Variants in PDCD1LG2 observed in about 807,000 individuals in gnomAD.
PDCD1LG2 encodes the protein programmed cell death 1 ligand 2, also known as B7 dendritic cell molecule.
In PDCD1LG2, 32 loss-of-function variants were observed where a neutral mutation model predicts 28.2. That is an observed-to-expected ratio of 1.13 (90% CI 0.86 to 1.52). The LOEUF (loss-of-function observed/expected upper bound fraction) is 1.52. Ranked by LOEUF, PDCD1LG2 falls within the 40% of genes most tolerant of loss-of-function variation. The pLI is 0.00. For synonymous variants in PDCD1LG2, 116 were observed against 120.2 expected, an observed-to-expected ratio of 0.97 and a Z score of 0.23; for missense variants, 385 against 323.8, an observed-to-expected ratio of 1.19 and a Z score of -1.45.
At chr9:5,552,607 G>A (rs933779331) in intron 4 of PDCD1LG2, among the ~76,000 whole-genome samples, 1 of 152,078 alleles carries the variant, frequency 6.6e-6, no homozygotes, top group African/African-American at 2.4e-5. Flanking sequence ...GGCAGACATG[G>A]TATGAGTTGA....
rs148023085 is a variant in PDCD1LG2, at chr9:5,562,000, C to A, written c.767-1162C>A. ...AACCCTCATGAAAGAGACTACAGTG[C>A]TGAATAGAGACCTCCAAATTCCAGG... On this transcript the variant is annotated intron_variant, in intron 5 of 6. Transcript: ENST00000397747. Among the ~76,000 whole-genome samples, 210 of 152,286 alleles carry A rather than the reference C, an allele frequency of 1.4e-3. 1 individual carries two copies. The highest frequency in any genetic ancestry group is 4.9e-3 in the African/African-American group (202 of 41,554).
At chr9:5,566,761 C>T (rs1479250331) in intron 6 of PDCD1LG2, among the ~76,000 whole-genome samples, 3 of 152,030 alleles carry the variant, frequency 2.0e-5, no homozygotes, top group Admixed American at 2.0e-4. Context: ...ATAAATAGAC[C>T]CTACGTTGCC....
intron 4 of PDCD1LG2, among the ~76,000 whole-genome samples, chr9:5,555,617 T>C (rs931917659): frequency 3.3e-5 from 5 of 152,190 alleles, no homozygotes; most frequent in Non-Finnish European, 5.9e-5. Flanking sequence ...AGCAGCTATG[T>C]TCCATAGAGT....
At chr9:5,525,006 T>C (rs964957844) in intron 2 of PDCD1LG2, among the ~76,000 whole-genome samples, 1 of 152,208 alleles carries the variant, frequency 6.6e-6, no homozygotes, top group Non-Finnish European at 1.5e-5. Flanking sequence ...ATCAATGTGA[T>C]GCTTAGTACC....
At chr9:5,517,566 A>T (rs939600593) in intron 1 of PDCD1LG2, among the ~76,000 whole-genome samples, 35 of 152,216 alleles carry the variant, frequency 2.3e-4, no homozygotes, top group African/African-American at 7.0e-4. Context: ...ATGCTGAGCC[A>T]TCGGAAGGTT....
chr9:5,556,761 T>C (rs1816450443), intron 4 of PDCD1LG2, among the ~76,000 whole-genome samples: 1 of 152,172 alleles, frequency 6.6e-6, no homozygotes, highest in Non-Finnish European at 1.5e-5. Context: ...AATTCAAGCT[T>C]TTGAATAGGG....
Position 5,549,459 on chromosome 9 carries a change from C to T in PDCD1LG2, c.486C>T (p.Ala162=), listed in dbSNP as rs560953289. ...CCTGGCCAAACGTCAGCGTTCCTGC[C>T]AACACCAGCCACTCCAGGACCCCTG... ...EVSWPNVSVP[A]NTSHSRTPEG... is the part of the protein sequence containing the mutation. The change falls in exon 4 of 7, where the codon GCC becomes GCT. Residue 162 remains alanine, a synonymous_variant. Coordinates refer to ENST00000397747, the MANE Select transcript of PDCD1LG2 (RefSeq NM_025239.4). 105 of 1,614,190 alleles carry T rather than the reference C, an allele frequency of 6.5e-5. No homozygotes were observed. The East Asian group carries it at 2.2e-3, about 33-fold the overall frequency.
chr9:5,561,678 G>A (rs907332471), intron 5 of PDCD1LG2, among the ~76,000 whole-genome samples: 3 of 152,196 alleles, frequency 2.0e-5, no homozygotes, highest in Non-Finnish European at 4.4e-5. Flanking sequence ...TTTAGAACAT[G>A]TCTTCAGATC....
In PDCD1LG2 at chr9:5,570,521, C is replaced by T. The variant is rs2129977804; in HGVS notation, c.*562C>T. The T allele has an allele frequency of 4.3e-6, 1 of 233,240 alleles. No individual in the cohort carries two copies. Among genetic ancestry groups the T allele is most frequent in the South Asian group, 1.8e-4 (1 of 5,532 alleles). The allele number at this position is 233,240 out of a possible 1,614,324, so 14.4% of individuals were successfully genotyped here. On this transcript the variant is annotated 3_prime_UTR_variant, in exon 7 of 7. Coordinates refer to ENST00000397747, the MANE Select transcript of PDCD1LG2 (RefSeq NM_025239.4). ...AGCATAATGAAGTTGTTCTAATTAA[C>T]AGAGAGCATTTAAATATACACTAAG...
At chr9:5,529,132 T>C (rs1235453136) in intron 2 of PDCD1LG2, among the ~76,000 whole-genome samples, 1 of 152,274 alleles carries the variant, frequency 6.6e-6, no homozygotes, top group African/African-American at 2.4e-5. Flanking sequence ...CTGTGTCTTT[T>C]GCAGAGCAAA....
In PDCD1LG2 at chr9:5,535,001, C is replaced by T. The variant is rs1820553467; in HGVS notation, c.312C>T (p.Ile104=). 6.2e-7 allele frequency: 1 copy of T among 1,613,864 alleles called. No individual in the cohort carries two copies. The change falls in exon 3 of 7, where the codon ATC becomes ATT. Residue 104 remains isoleucine, a synonymous_variant. Coordinates refer to ENST00000397747, the MANE Select transcript of PDCD1LG2 (RefSeq NM_025239.4). ...ACGAAGGACAGTACCAATGCATAATCATCTATGGGGTCGCCTGGGACTACA... is the reference window on the plus strand; with the variant it reads ...ACGAAGGACAGTACCAATGCATAATTATCTATGGGGTCGCCTGGGACTACA... The part of the protein sequence containing the change: ...VRDEGQYQCI[I]IYGVAWDYKY...
intron 2 of PDCD1LG2, among the ~76,000 whole-genome samples, chr9:5,532,292 T>A (rs1443114804): frequency 1.3e-5 from 2 of 152,184 alleles, no homozygotes; most frequent in African/African-American, 4.8e-5. Flanking sequence ...AAAGGCACAT[T>A]AATGTTCTAG....
chr9:5,565,492 C>T (rs1816648769), intron 6 of PDCD1LG2, among the ~76,000 whole-genome samples: 1 of 152,178 alleles, frequency 6.6e-6, no homozygotes, highest in Non-Finnish European at 1.5e-5. Context: ...CCTACATACA[C>T]AACACTCTCT....
intron 4 of PDCD1LG2, among the ~76,000 whole-genome samples, chr9:5,554,531 C>T (rs915531041): frequency 3.9e-5 from 6 of 152,278 alleles, no homozygotes; most frequent in Admixed American, 2.0e-4. Context: ...AAAACAAACA[C>T]GGAAACGAAG....
chr9:5,524,564 A>AT (rs1357317219), intron 2 of PDCD1LG2, among the ~76,000 whole-genome samples: 1 of 152,144 alleles, frequency 6.6e-6, no homozygotes, highest in African/African-American at 2.4e-5. Context: ...TCCTCATGGG[A>AT]TTTTTTTAAA....
intron 3 of PDCD1LG2, among the ~76,000 whole-genome samples, chr9:5,544,588 G>A (rs1407017871): frequency 1.3e-5 from 2 of 152,160 alleles, no homozygotes; most frequent in African/African-American, 4.8e-5. Flanking sequence ...AGTGAGAGAT[G>A]GATCTGAAGG....
intron 2 of PDCD1LG2, among the ~76,000 whole-genome samples, chr9:5,525,020 T>A (rs968420972): frequency 6.6e-6 from 1 of 152,154 alleles, no homozygotes; most frequent in African/African-American, 2.4e-5. Context: ...TAGTACCCTA[T>A]CAGTGCACAT....
chr9:5,558,479 T>C (rs573636474), intron 5 of PDCD1LG2, among the ~76,000 whole-genome samples: 78 of 152,302 alleles, frequency 5.1e-4, no homozygotes, highest in Admixed American at 1.5e-3. Context: ...GCCTAGCTGG[T>C]GCTTTCCTAA....
chr9:5,544,504 T>C (rs140768404), intron 3 of PDCD1LG2, among the ~76,000 whole-genome samples: 27 of 152,306 alleles, frequency 1.8e-4, no homozygotes, highest in African/African-American at 6.5e-4. Flanking sequence ...TCTTGCTTCC[T>C]ATTGGCTGTC....
Sources: gnomAD v4.1 joint callset for allele counts (sites outside exome capture counted in the v4.1 genomes callset) on GRCh38, gnomAD v4.1.1 for gene constraint, MANE v1.5 for transcripts, NCBI Gene and HGNC (gene_info 2026-07-23, HGNC 2026-07-21) for gene names.